Variants in SLCO2A1 observed in about 807,000 individuals in gnomAD.
SLCO2A1 encodes solute carrier organic anion transporter family member 2A1, also known as matrin F/G 1.
SLCO2A1 carries 60 observed loss-of-function variants against 71.7 expected under a neutral mutation model. That is an observed-to-expected ratio of 0.84 (90% CI 0.68 to 1.04). The LOEUF is 1.04. Ranked by LOEUF, SLCO2A1 falls within the 50% of genes least tolerant of loss-of-function variation. The pLI is 0.00. For missense variants in SLCO2A1, 745 were observed against 813.4 expected, an observed-to-expected ratio of 0.92 and a Z score of 1.02; for synonymous variants, 308 against 326.7, an observed-to-expected ratio of 0.94 and a Z score of 0.62.
chr3:133,966,976 C>G (rs570641832), intron 3 of SLCO2A1, among the ~76,000 whole-genome samples: 1 of 152,310 alleles, frequency 6.6e-6, no homozygotes, highest in East Asian at 1.9e-4. Context: ...CAACACTGTT[C>G]CCAGGATGCC....
chr3:133,998,512 A>G (rs548324077), intron 1 of SLCO2A1: 1 of 152,458 alleles, frequency 6.6e-6, no homozygotes, highest in African/African-American at 2.4e-5. Flanking sequence ...CCTTTTGTCC[A>G]CACCTGGAGG....
Position 134,011,564 on chromosome 3 carries a change from T to C in SLCO2A1, c.96+18143A>G, listed in dbSNP as rs73864030. 7.4e-3 allele frequency among the ~76,000 whole-genome samples: 1,124 copies of C among 151,988 alleles called. 23 individuals carry two copies. Among genetic ancestry groups the C allele is most frequent in the African/African-American group, 0.026 (1,092 of 41,434 alleles). The stretch of plus-strand genomic sequence containing the variant: ...TCAGGGACACGTTCCAGAGGTGGAG[T>C]AGTTGCCATATACAAGGCTGGTTCT... On this transcript the variant is annotated intron_variant, in intron 1 of 13. Transcript: ENST00000310926.
chr3:133,951,265 C>T lies in SLCO2A1; in HGVS notation c.804G>A (p.Leu268=). ...WLGLLISSAL[L]VLTSFPFFFF... Reference sequence around the variant, plus strand: ...AAAAAAAGGGGAAAGAGGTGAGAACCAATAAAGCTGAAGAAATGAGCAGGC... The same window carrying T: ...AAAAAAAGGGGAAAGAGGTGAGAACTAATAAAGCTGAAGAAATGAGCAGGC... The change falls in exon 6 of 14, where the codon TTG becomes TTA. Residue 268 remains leucine (L), a synonymous_variant. Coordinates refer to ENST00000310926, the MANE Select transcript of SLCO2A1 (RefSeq NM_005630.3). The T allele has an allele frequency of 1.2e-6, 2 of 1,614,116 alleles. No homozygotes were observed. Among genetic ancestry groups the T allele is most frequent in the Non-Finnish European group, 1.7e-6 (2 of 1,180,026 alleles).
At chr3:133,983,994 G>A (rs543667341) in intron 1 of SLCO2A1, among the ~76,000 whole-genome samples, 3 of 152,144 alleles carry the variant, frequency 2.0e-5, no homozygotes, top group Non-Finnish European at 4.4e-5. Context: ...TGGAAACGGG[G>A]GATCCAGAAG....
chr3:133,959,721 G>A (rs1304999746), intron 3 of SLCO2A1, among the ~76,000 whole-genome samples: 1 of 151,994 alleles, frequency 6.6e-6, no homozygotes, highest in East Asian at 1.9e-4. Context: ...AGCTACTTGG[G>A]AGGCTGAGGT....
intron 11 of SLCO2A1, among the ~76,000 whole-genome samples, chr3:133,940,660 G>A (rs1216235011): frequency 6.6e-6 from 1 of 152,202 alleles, no homozygotes; most frequent in Non-Finnish European, 1.5e-5. Context: ...AAGAAGGGAA[G>A]CCCGCTGAAG....
intron 1 of SLCO2A1, among the ~76,000 whole-genome samples, chr3:134,001,298 G>A (rs1164818266): frequency 6.6e-6 from 1 of 152,046 alleles, no homozygotes; most frequent in East Asian, 1.9e-4. Flanking sequence ...TTCAGTAGAG[G>A]TGGGGTCTCA....
intron 1 of SLCO2A1, among the ~76,000 whole-genome samples, chr3:133,980,237 T>C (rs1934558056): frequency 6.6e-6 from 1 of 152,268 alleles, no homozygotes; most frequent in Admixed American, 6.5e-5. Context: ...ACCAGGACTA[T>C]CTTGGCCTCT....
intron 4 of SLCO2A1, among the ~76,000 whole-genome samples, chr3:133,954,176 T>C (rs1242163717): frequency 6.8e-6 from 1 of 147,518 alleles, no homozygotes; most frequent in Non-Finnish European, 1.5e-5. Context: ...TTTTTTTTTT[T>C]TTTTAGATGG....
chr3:133,953,658 C>A lies in SLCO2A1; in HGVS notation c.724+5G>T, dbSNP rs546269238. Reference sequence around the variant, plus strand: ...TGGGAATGGGTGTCCTCTGCACATACTCACCTGTGTTGACCCTGCCATAGT... The same window carrying A: ...TGGGAATGGGTGTCCTCTGCACATAATCACCTGTGTTGACCCTGCCATAGT... On this transcript the variant is annotated splice_donor_5th_base_variant and intron_variant, in intron 5 of 13. Coordinates refer to ENST00000310926, the MANE Select transcript of SLCO2A1 (RefSeq NM_005630.3). 1 of 1,612,716 alleles carries A rather than the reference C, an allele frequency of 6.2e-7. No individual in the cohort carries two copies.
intron 1 of SLCO2A1, among the ~76,000 whole-genome samples, chr3:134,013,412 T>C (rs1480012337): frequency 1.3e-5 from 2 of 152,188 alleles, no homozygotes; most frequent in Non-Finnish European, 2.9e-5. Context: ...GAAGCCTGCT[T>C]TCTCCCCACC....
intron 11 of SLCO2A1, among the ~76,000 whole-genome samples, chr3:133,940,469 C>A (rs779937634): frequency 6.6e-6 from 1 of 152,140 alleles, no homozygotes; most frequent in East Asian, 1.9e-4. Context: ...TCACGACCTC[C>A]TTGTACCTAG....
chr3:134,002,794 T>A (rs1342035018), intron 1 of SLCO2A1, among the ~76,000 whole-genome samples: 1 of 152,184 alleles, frequency 6.6e-6, no homozygotes, highest in East Asian at 1.9e-4. Flanking sequence ...CCCAAGTAGG[T>A]CTTCCTGAGC....
intron 1 of SLCO2A1, among the ~76,000 whole-genome samples, chr3:134,007,582 C>T (rs1442744458): frequency 6.6e-6 from 1 of 152,156 alleles, no homozygotes; most frequent in Non-Finnish European, 1.5e-5. Flanking sequence ...GTTTTAGTTT[C>T]TCAGAGAAAT....
chr3:133,957,861 A>G (rs1266102300), intron 3 of SLCO2A1, among the ~76,000 whole-genome samples: 1 of 152,216 alleles, frequency 6.6e-6, no homozygotes, highest in African/African-American at 2.4e-5. Context: ...TAGAGGCCAT[A>G]AGGTGGCTAG....
At chr3:133,984,684 G>C (rs1934670378) in intron 1 of SLCO2A1, among the ~76,000 whole-genome samples, 1 of 152,228 alleles carries the variant, frequency 6.6e-6, no homozygotes, top group African/African-American at 2.4e-5. Context: ...CCCATCCCTT[G>C]AGGAGGACAC....
chr3:133,985,284 T>C (rs1479678687), intron 1 of SLCO2A1, among the ~76,000 whole-genome samples: 3 of 152,258 alleles, frequency 2.0e-5, no homozygotes, highest in Non-Finnish European at 4.4e-5. Context: ...GGTTCTGAGT[T>C]CCGTAGTAAA....
intron 1 of SLCO2A1, among the ~76,000 whole-genome samples, chr3:134,018,203 T>C (rs1175107568): frequency 6.6e-6 from 1 of 152,168 alleles, no homozygotes; most frequent in Non-Finnish European, 1.5e-5. Context: ...CAGAACAATG[T>C]TGTCTTCAAT....
intron 3 of SLCO2A1, among the ~76,000 whole-genome samples, chr3:133,963,454 C>A (rs887496730): frequency 6.6e-6 from 1 of 152,180 alleles, no homozygotes; most frequent in East Asian, 1.9e-4. Context: ...AACGACCAAG[C>A]AACAAGAGAA....
Sources: allele counts gnomAD v4.1 joint callset (sites outside exome capture counted in the v4.1 genomes callset), GRCh38; gene constraint gnomAD v4.1.1; transcripts MANE v1.5; gene names NCBI Gene and HGNC (gene_info 2026-07-23, HGNC 2026-07-21).